The following ROR2 variants were observed in gnomAD, a reference collection of about 807,000 sequenced individuals.
The protein encoded by ROR2 is tyrosine-protein kinase transmembrane receptor ROR2.
In ROR2, 33 loss-of-function variants were observed where a neutral mutation model predicts 74.9. The ratio of observed to expected loss-of-function variants is 0.44; its 90% CI spans 0.33 to 0.59. The LOEUF is 0.59. Among genes scored for constraint, ROR2 ranks in the 20% least tolerant of loss-of-function variants. The probability of loss-of-function intolerance (pLI) is 0.02; values close to 1 mark genes in which losing one functional copy is unlikely to be tolerated. For synonymous variants in ROR2, 586 were observed against 558.7 expected, an observed-to-expected ratio of 1.05 and a Z score of -0.69; for missense variants, 1,216 against 1,313.8, an observed-to-expected ratio of 0.93 and a Z score of 1.15.
At position 91,926,691 on chromosome 9, in the gene ROR2, C is replaced by T. The variant is rs568957764; in HGVS notation, c.97+23176G>A. 5.9e-5 allele frequency among the ~76,000 whole-genome samples: 9 copies of T among 151,680 alleles called. No individual in the cohort carries two copies. The East Asian group carries it at 1.3e-3, about 23-fold the overall frequency. On this transcript the variant is annotated intron_variant, in intron 1 of 8. Coordinates refer to ENST00000375708, the MANE Select transcript of ROR2 (RefSeq NM_004560.4). ...CTTCTTTAAAAGATTAAGAGTATTA[C>T]GTCCGGGTGAACCCTGATGAAATCA... is the stretch of plus-strand genomic sequence containing the variant.
chr9:91,875,894 C>CA (rs377139441), intron 1 of ROR2, among the ~76,000 whole-genome samples: 2 of 152,062 alleles, frequency 1.3e-5, no homozygotes, highest in African/African-American at 4.8e-5. Context: ...ACACCAGGTT[C>CA]ATCAGAAAGC....
At chr9:91,890,687 T>C (rs1830401218) in intron 1 of ROR2, among the ~76,000 whole-genome samples, 1 of 152,210 alleles carries the variant, frequency 6.6e-6, no homozygotes, top group Admixed American at 6.5e-5. Context: ...TAGTGAGAGC[T>C]TGCTCTTATC....
intron 1 of ROR2, among the ~76,000 whole-genome samples, chr9:91,849,831 C>T (rs569394200): frequency 6.6e-6 from 1 of 152,306 alleles, no homozygotes; most frequent in Non-Finnish European, 1.5e-5. Flanking sequence ...GTGTTTTGAA[C>T]ATGTTGTTTG....
At chr9:91,773,809 G>A (rs1266217866) in intron 2 of ROR2, among the ~76,000 whole-genome samples, 1 of 152,092 alleles carries the variant, frequency 6.6e-6, no homozygotes, top group Non-Finnish European at 1.5e-5. Flanking sequence ...GTTTTCACTT[G>A]GCCAGTGTCC....
At chr9:91,800,354 A>AAGAGAGAGAG (rs1554763426) in intron 1 of ROR2, among the ~76,000 whole-genome samples, 5 of 149,314 alleles carry the variant, frequency 3.3e-5, no homozygotes, top group African/African-American at 1.3e-4. Context: ...AAAAAAAAAA[A>AAGAGAGAGAG]AGAGAGAGAG....
rs554508343 is a variant in ROR2 at position 91,879,012 on chromosome 9, A to T, written c.97+70855T>A. On this transcript the variant is annotated intron_variant, in intron 1 of 8. Transcript: ENST00000375708. ...AGCCGAGATCGCGCCACTGCACTCC[A>T]GCCTGGGCGACAGAGCGAGACTCCA... Among the ~76,000 whole-genome samples the T allele has an allele frequency of 3.9e-5, 6 of 152,266 alleles. No individual in the cohort carries two copies. The East Asian group carries it at 9.6e-4, about 24-fold the overall frequency.
intron 1 of ROR2, among the ~76,000 whole-genome samples, chr9:91,867,274 C>T (rs1442314133): frequency 1.3e-5 from 2 of 152,182 alleles, no homozygotes; most frequent in African/African-American, 4.8e-5. Context: ...AAGCATGGTT[C>T]TTTTTTCATT....
intron 2 of ROR2, among the ~76,000 whole-genome samples, chr9:91,761,510 T>C (rs576865827): frequency 6.6e-6 from 1 of 152,206 alleles, no homozygotes; most frequent in South Asian, 2.1e-4. Context: ...CAGTTCACAA[T>C]AGGGTTTGAG....
chr9:91,842,136 TAAGGAAAGA>T (rs931468632), intron 1 of ROR2, among the ~76,000 whole-genome samples: 5 of 151,634 alleles, frequency 3.3e-5, no homozygotes, highest in African/African-American at 9.7e-5. Context: ...GAAAGAGAAG[TAAGGAAAGA>T]AAGGAGAGAA....
At chr9:91,798,788 A>G (rs1827277346) in intron 1 of ROR2, among the ~76,000 whole-genome samples, 1 of 151,984 alleles carries the variant, frequency 6.6e-6, no homozygotes, top group African/African-American at 2.4e-5. Flanking sequence ...ACTTTTGTCT[A>G]CTTTCGTTTT....
chr9:91,737,624 G>A (rs1666512179), intron 4 of ROR2, 106 bp from the exon 5 acceptor site: 1 of 1,460,834 alleles, frequency 6.8e-7, no homozygotes, highest in African/African-American at 1.4e-5. Flanking sequence ...TTTGTTACTT[G>A]GTATTTATAT....
At chr9:91,859,491 G>A (rs1829403886) in intron 1 of ROR2, among the ~76,000 whole-genome samples, 1 of 152,048 alleles carries the variant, frequency 6.6e-6, no homozygotes, top group Non-Finnish European at 1.5e-5. Flanking sequence ...TCCAGACTGT[G>A]GTCCTGGGAA....
At position 91,949,922 on chromosome 9, in the gene ROR2, G is replaced by A. The variant is rs550160101; in HGVS notation, c.42C>T (p.Cys14=). 1.1e-5 allele frequency: 17 copies of A among 1,531,780 alleles called. No individual in the cohort carries two copies. The Admixed American group carries it at 3.0e-4, about 27-fold the overall frequency. The allele number at this position is 1,531,780 out of a possible 1,614,324, so 94.9% of individuals were successfully genotyped here. The change falls in exon 1 of 9, where the codon TGC becomes TGT. Residue 14 remains cysteine (C), a synonymous_variant. Coordinates refer to ENST00000375708, the MANE Select transcript of ROR2 (RefSeq NM_004560.4). Reference sequence around the variant, plus strand: ...CGGCGGCCGCCCAGACGGCCGGGATGCACAGCAGCGGCCGCCGCGGGAGCG... The same window carrying A: ...CGGCGGCCGCCCAGACGGCCGGGATACACAGCAGCGGCCGCCGCGGGAGCG... ...GSALPRRPLL[C]IPAVWAAAAL... is the part of the protein sequence containing the mutation.
chr9:91,774,826 G>A (rs1380334521), intron 2 of ROR2, among the ~76,000 whole-genome samples: 2 of 152,168 alleles, frequency 1.3e-5, no homozygotes, highest in Non-Finnish European at 2.9e-5. Flanking sequence ...TCCTTTTCCT[G>A]AAGAAGGAAG....
In ROR2 at chr9:91,921,856, C is replaced by CA. The variant is rs560682210; in HGVS notation, c.97+28010dup. ...AGCCTGGGCAACAGAGACTCCGTCT[C>CA]AAAAAAAAAAAAAAAAAAGTAAATG... On this transcript the variant is annotated intron_variant, in intron 1 of 8. Coordinates refer to ENST00000375708, the MANE Select transcript of ROR2 (RefSeq NM_004560.4). 2.6e-3 allele frequency among the ~76,000 whole-genome samples: 228 copies of CA among 88,130 alleles called. 2 individuals carry two copies. In the East Asian group the frequency reaches 0.037, roughly 14 times the overall value. The allele number at this position is 88,130 out of a possible 152,430, so 57.8% of individuals were successfully genotyped here.
At chr9:91,924,144 C>T (rs1373390788) in intron 1 of ROR2, among the ~76,000 whole-genome samples, 2 of 152,240 alleles carry the variant, frequency 1.3e-5, no homozygotes, top group Non-Finnish European at 2.9e-5. Flanking sequence ...AGCTGGTACT[C>T]CATGAATGGG....
intron 2 of ROR2, 145 bp downstream of exon 2, chr9:91,775,596 G>A: frequency 1.4e-6 from 1 of 737,394 alleles, no homozygotes; most frequent in Non-Finnish European, 2.4e-6. Context: ...CAGGAATCAA[G>A]GTGGCATTCC....
In ROR2 at chr9:91,728,099, C is replaced by T. The variant is rs995229088; in HGVS notation, c.1184-1356G>A. Among the ~76,000 whole-genome samples the T allele has an allele frequency of 4.6e-5, 7 of 152,284 alleles. No homozygotes were observed. In the East Asian group the frequency reaches 7.7e-4, roughly 17 times the overall value. ...AGCAGGAGAGTCCAGGCCACTCTCA[C>T]GCCAAGACCAGAGGTGTGAGCTCAC... is the stretch of plus-strand genomic sequence containing the variant. On this transcript the variant is annotated intron_variant, in intron 7 of 8. Coordinates refer to ENST00000375708, the MANE Select transcript of ROR2 (RefSeq NM_004560.4).
intron 1 of ROR2, among the ~76,000 whole-genome samples, chr9:91,921,953 CAAA>C (rs58497723): frequency 5.6e-5 from 8 of 141,602 alleles, no homozygotes; most frequent in East Asian, 4.0e-4. Context: ...GACATTTCTC[CAAA>C]AAAAAAAAAT....
Sources: gnomAD v4.1 joint callset for allele counts (sites outside exome capture counted in the v4.1 genomes callset) on GRCh38, gnomAD v4.1.1 for gene constraint, MANE v1.5 for transcripts, NCBI Gene and HGNC (gene_info 2026-07-23, HGNC 2026-07-21) for gene names.